PGAP2: variants seen among roughly 807,000 people sequenced by gnomAD.
PGAP2 encodes the protein acyltransferase PGAP2.
A neutral mutation model predicts 33.2 loss-of-function variants in PGAP2; 21 were observed. That is an observed-to-expected ratio of 0.63 (90% CI 0.45 to 0.91). The LOEUF (loss-of-function observed/expected upper bound fraction) is 0.91. Among genes scored for constraint, PGAP2 ranks in the 40% least tolerant of loss-of-function variants. The pLI is 0.00. For missense variants in PGAP2, 345 were observed against 424.0 expected, an observed-to-expected ratio of 0.81 and a Z score of 1.64; for synonymous variants, 161 against 172.9, an observed-to-expected ratio of 0.93 and a Z score of 0.54.
At position 3,811,179 on chromosome 11, in the gene PGAP2, A is replaced by G; in HGVS notation, c.-10-71A>G. On this transcript the variant is annotated intron_variant, in intron 1 of 6. Coordinates refer to ENST00000278243, the MANE Select transcript of PGAP2 (RefSeq NM_014489.4). The surrounding 1 kb of genome is among the most constrained non-coding windows in gnomAD (Gnocchi z 4.6). ...CACAGCTAATTTTAGGACTGAGCAC[A>G]AGGGCTGACTTTATCACTGAGTGCC... 3.5e-6 allele frequency: 5 copies of G among 1,439,562 alleles called. No individual in the cohort carries two copies. The highest frequency in any genetic ancestry group is 4.8e-6 in the Non-Finnish European group (5 of 1,048,588). 89.2% of individuals were successfully genotyped at this position (1,439,562 alleles called of 1,614,324 possible). A position where few individuals can be genotyped will look rare whatever the true frequency, so the allele number is the denominator to read the frequency against.
chr11:3,801,642 A>AAAAG (rs34104310), intron 1 of PGAP2, among the ~76,000 whole-genome samples: 1 of 18,330 alleles, frequency 5.5e-5, no homozygotes, highest in Non-Finnish European at 3.7e-4. Context: ...ACTCCATCTC[A>AAAAG]AAAAAAAAAA....
chr11:3,822,816 AC>A (rs1222643706), intron 3 of PGAP2: 1 of 670,528 alleles, frequency 1.5e-6, no homozygotes, highest in Non-Finnish European at 2.5e-6. Flanking sequence ...CCCCATCTAA[AC>A]CCTTGTTCAG....
chr11:3,822,058 CCAAAAACAAAAG>C, intron 3 of PGAP2, among the ~76,000 whole-genome samples: 1 of 151,158 alleles, frequency 6.6e-6, no homozygotes. Flanking sequence ...GACCCTGTCT[CCAAAAACAAAAG>C]CAAAAACAAA....
upstream of PGAP2, chr11:3,808,456 G>C (rs532445068): frequency 8.0e-6 from 12 of 1,499,472 alleles, no homozygotes; most frequent in Non-Finnish European, 9.8e-6. Context: ...TTGAGGAGGA[G>C]AGCCAGGGGT....
At chr11:3,813,504 C>T (rs1160369342) in intron 2 of PGAP2, among the ~76,000 whole-genome samples, 1 of 152,202 alleles carries the variant, frequency 6.6e-6, no homozygotes, top group African/African-American at 2.4e-5. Context: ...CTGCCTCAGC[C>T]TCCTGAGTAG....
chr11:3,806,894 G>C (rs531255523), upstream of PGAP2, among the ~76,000 whole-genome samples: 2 of 151,980 alleles, frequency 1.3e-5, no homozygotes, highest in Non-Finnish European at 2.9e-5. Flanking sequence ...TGGTGGTGCC[G>C]CCTGTATTCC....
chr11:3,818,546 T>G lies in PGAP2; in HGVS notation c.348+1011T>G, dbSNP rs548748595. ...GGGACTGACCTTGGAGGATCCATCC[T>G]CAGCTCTGATCTGGATCCTCAAGCT... On this transcript the variant is annotated intron_variant, in intron 3 of 6. Coordinates refer to ENST00000278243, the MANE Select transcript of PGAP2 (RefSeq NM_014489.4). Among the ~76,000 whole-genome samples, 10 of 152,272 alleles carry G rather than the reference T, an allele frequency of 6.6e-5. No individual in the cohort carries two copies. In the South Asian group the frequency reaches 2.1e-3, roughly 32 times the overall value.
intron 2 of PGAP2, chr11:3,816,047 C>T (rs1306259658): frequency 2.0e-5 from 3 of 152,422 alleles, no homozygotes; most frequent in Admixed American, 2.0e-4. Flanking sequence ...CAGCCACTAT[C>T]ACTTCTTCCC....
rs151115501 is a variant in PGAP2 at position 3,825,422 on chromosome 11, G to C, written c.912G>C (p.Leu304=). ...TAWWDFGNKE[L]LITSQPEEKR... ...GGTGGGACTTCGGGAACAAGGAGCT[G>C]CTCATAACCTCTCAGCCTGAGGAAA... Residue 304 remains leucine, a synonymous_variant, in exon 7 of 7, where the codon CTG becomes CTC. Coordinates refer to ENST00000278243, the MANE Select transcript of PGAP2 (RefSeq NM_014489.4). The C allele has an allele frequency of 1.7e-5, 27 of 1,613,876 alleles. No homozygotes were observed. The African/African-American group carries it at 3.6e-4, about 22-fold the overall frequency.
chr11:3,811,385 G>A lies in PGAP2; in HGVS notation c.126G>A (p.Leu42=). 6.2e-7 allele frequency: 1 copy of A among 1,614,042 alleles called. No homozygotes were observed. The highest frequency in any genetic ancestry group is 1.3e-5 in the African/African-American group (1 of 75,044). The part of the protein sequence containing the change: ...VAFLFCILWS[L]LFHFKETTAT... ...TCCTCTTCTGCATCCTCTGGTCCCT[G>A]CTCTTCCACTTCAAGGAGACAACGG... Residue 42 remains leucine, a synonymous_variant, in exon 2 of 7, where the codon CTG becomes CTA. Coordinates refer to ENST00000278243, the MANE Select transcript of PGAP2 (RefSeq NM_014489.4). The surrounding 1 kb of genome is among the most constrained non-coding windows in gnomAD (Gnocchi z 4.6).
chr11:3,823,489 G>C, intron 3 of PGAP2: 1 of 974,654 alleles, frequency 1.0e-6, no homozygotes, highest in Non-Finnish European at 1.5e-6. Context: ...GATGGTCTGT[G>C]ACTCATCCCT....
intron 1 of PGAP2, among the ~76,000 whole-genome samples, chr11:3,803,458 C>T (rs1254502476): frequency 1.3e-5 from 2 of 151,636 alleles, no homozygotes; most frequent in African/African-American, 2.4e-5. Context: ...GATGGAGTCT[C>T]ACTCTGTCAC....
At chr11:3,809,124 C>G (rs888568460) in intron 1 of PGAP2, among the ~76,000 whole-genome samples, 19 of 152,178 alleles carry the variant, frequency 1.2e-4, no homozygotes, top group African/African-American at 4.3e-4. Context: ...AAGTACAGAG[C>G]AGGGGGCCTA....
upstream of PGAP2, among the ~76,000 whole-genome samples, chr11:3,803,685 C>T (rs2083844830): frequency 6.6e-6 from 1 of 152,194 alleles, no homozygotes; most frequent in Non-Finnish European, 1.5e-5. Context: ...GCCTTGGCCT[C>T]CCAAAGTGTT....
chr11:3,816,492 T>G (rs1308619658), intron 2 of PGAP2, among the ~76,000 whole-genome samples: 1 of 152,100 alleles, frequency 6.6e-6, no homozygotes, highest in Non-Finnish European at 1.5e-5. Flanking sequence ...GTTCCCTGGG[T>G]CTGGGTCTGA....
chr11:3,808,500 G>C, upstream of PGAP2: 1 of 1,404,908 alleles, frequency 7.1e-7, no homozygotes, highest in Non-Finnish European at 9.3e-7. Flanking sequence ...AGCCAGCGGA[G>C]GATCTGGGCG....
At chr11:3,813,402 G>A (rs560089753) in intron 2 of PGAP2, among the ~76,000 whole-genome samples, 3 of 151,710 alleles carry the variant, frequency 2.0e-5, no homozygotes, top group African/African-American at 7.3e-5. Context: ...AAAAATTGTG[G>A]AGATGGGGTC....
chr11:3,815,392 TC>T (rs2086778624), intron 2 of PGAP2, among the ~76,000 whole-genome samples: 1 of 151,644 alleles, frequency 6.6e-6, no homozygotes, highest in Non-Finnish European at 1.5e-5. Flanking sequence ...TACTGCAACC[TC>T]CGCCTCCCAG....
At chr11:3,822,395 G>C (rs1470087892) in intron 3 of PGAP2, among the ~76,000 whole-genome samples, 2 of 151,514 alleles carry the variant, frequency 1.3e-5, no homozygotes, top group Non-Finnish European at 2.9e-5. Flanking sequence ...TTCTGGCCAA[G>C]CGAGGTGGCT....
Sources: gnomAD v4.1 joint callset for allele counts (sites outside exome capture counted in the v4.1 genomes callset) on GRCh38, gnomAD v4.1.1 for gene constraint, Gnocchi (gnomAD v3.1) non-coding constraint, MANE v1.5 for transcripts, NCBI Gene and HGNC (gene_info 2026-07-23, HGNC 2026-07-21) for gene names.